Variants in RBFOX1 observed in about 807,000 individuals in gnomAD.
The protein encoded by RBFOX1 is RNA binding protein fox-1 homolog 1.
A neutral mutation model predicts 57.7 loss-of-function variants in RBFOX1; 8 were observed. The observed-to-expected ratio is 0.14, with a 90% confidence interval of 0.08 to 0.25. The LOEUF (loss-of-function observed/expected upper bound fraction) is 0.25. Ranked by LOEUF, RBFOX1 falls within the 10% of genes least tolerant of loss-of-function variation. The pLI is 1.00. For missense variants in RBFOX1, 611 were observed against 548.5 expected (o/e 1.11, Z -1.14); for synonymous variants, 326 against 222.4 (o/e 1.47, Z -4.15).
At chr16:5,504,581 T>C (rs2043312960) in intron 2 of RBFOX1, among the ~76,000 whole-genome samples, 1 of 152,146 alleles carries the variant, frequency 6.6e-6, no homozygotes, top group African/African-American at 2.4e-5. Context: ...CTGTTACTTA[T>C]CATCAAAGGG....
intron 3 of RBFOX1, among the ~76,000 whole-genome samples, chr16:6,684,144 C>A (rs1008080746): frequency 1.3e-5 from 2 of 152,118 alleles, no homozygotes; most frequent in Non-Finnish European, 2.9e-5. Flanking sequence ...TATCAGCATG[C>A]TTTTATGGTT....
At chr16:7,568,854 T>C (rs2092433413) in intron 5 of RBFOX1, among the ~76,000 whole-genome samples, 2 of 116,132 alleles carry the variant, frequency 1.7e-5, no homozygotes, top group African/African-American at 6.6e-5. Flanking sequence ...GCCACTGCAC[T>C]CCAGCCTGGG....
intron 2 of RBFOX1, among the ~76,000 whole-genome samples, chr16:5,499,371 C>T (rs907816834): frequency 3.3e-5 from 5 of 152,120 alleles, no homozygotes; most frequent in South Asian, 4.2e-4. Context: ...GTCCAGGTCT[C>T]GGATTCCTGT....
intron 14 of RBFOX1, among the ~76,000 whole-genome samples, chr16:7,680,866 A>T (rs2074547666): frequency 6.6e-6 from 1 of 152,052 alleles, no homozygotes; most frequent in Admixed American, 6.6e-5. Context: ...AATCCAAATA[A>T]AATGCCATAT....
At chr16:5,510,112 A>G (rs75408920) in intron 2 of RBFOX1, among the ~76,000 whole-genome samples, 2,341 of 152,342 alleles carry the variant, frequency 0.015, 32 homozygotes, top group Middle Eastern at 0.044. Context: ...GAATGGATGC[A>G]GGCTGAACCT....
rs368585442 is a variant in RBFOX1 at position 7,177,699 on chromosome 16, A to G, written c.27+125601A>G. On this transcript the variant is annotated intron_variant, in intron 4 of 15. Coordinates refer to ENST00000550418, the MANE Select transcript of RBFOX1 (RefSeq NM_018723.4). Reference sequence around the variant, plus strand: ...ACAAAATTCTAGGACAGGGGTCAGCAAATCTCTTCTGTGAGGAGCCAGGTC... The same window carrying G: ...ACAAAATTCTAGGACAGGGGTCAGCGAATCTCTTCTGTGAGGAGCCAGGTC... 1.9e-4 allele frequency among the ~76,000 whole-genome samples: 29 copies of G among 152,284 alleles called. No homozygotes were observed. The East Asian group carries it at 1.9e-3, about 10-fold the overall frequency.
intron 4 of RBFOX1, among the ~76,000 whole-genome samples, chr16:7,082,373 G>A (rs913607438): frequency 1.3e-5 from 2 of 151,972 alleles, no homozygotes; most frequent in African/African-American, 4.8e-5. Flanking sequence ...TTGAGGCCAG[G>A]AGTTTGAGAC....
Position 5,735,811 on chromosome 16 carries a change from G to A in RBFOX1, c.319-131492G>A, listed in dbSNP as rs141412546. Among the ~76,000 whole-genome samples, 653 of 152,244 alleles carry A rather than the reference G, an allele frequency of 4.3e-3. 7 individuals are homozygous for A. The highest frequency in any genetic ancestry group is 0.015 in the African/African-American group (626 of 41,528). On this transcript the variant is annotated intron_variant, in intron 3 of 19. Transcript: ENST00000641259. ...GAATCGCTTGAACTCGGGAGGCGGA[G>A]GTTGCAGTGAGCCAAGATGGCACCA...
intron 2 of RBFOX1, among the ~76,000 whole-genome samples, chr16:5,521,628 C>G (rs902691181): frequency 9.2e-5 from 14 of 151,384 alleles, no homozygotes; most frequent in Non-Finnish European, 2.1e-4. Context: ...AATTGGAGCT[C>G]TGCCATCATG....
intron 4 of RBFOX1, among the ~76,000 whole-genome samples, chr16:5,902,910 G>A (rs1388717458): frequency 2.6e-5 from 4 of 152,200 alleles, no homozygotes; most frequent in South Asian, 2.1e-4. Flanking sequence ...ACTTTGACGC[G>A]TATCGAAGTG....
intron 3 of RBFOX1, among the ~76,000 whole-genome samples, chr16:5,704,623 G>A (rs550264374): frequency 6.6e-6 from 1 of 152,314 alleles, no homozygotes; most frequent in East Asian, 1.9e-4. Flanking sequence ...TTGCTTTAAT[G>A]CACCGGATCT....
intron 3 of RBFOX1, among the ~76,000 whole-genome samples, chr16:5,835,786 C>T (rs2056437658): frequency 6.6e-6 from 1 of 152,192 alleles, no homozygotes; most frequent in Non-Finnish European, 1.5e-5. Flanking sequence ...ATTACTTATT[C>T]ATCTTCTTCT....
At chr16:7,254,952 C>A (rs555871987) in intron 4 of RBFOX1, among the ~76,000 whole-genome samples, 1 of 152,098 alleles carries the variant, frequency 6.6e-6, no homozygotes, top group African/African-American at 2.4e-5. Context: ...ATTAATGGCT[C>A]AACCGTTAAT....
At chr16:6,607,254 T>C (rs1601353226) in intron 2 of RBFOX1, among the ~76,000 whole-genome samples, 1 of 152,168 alleles carries the variant, frequency 6.6e-6, no homozygotes, top group Non-Finnish European at 1.5e-5. Context: ...CTTGGAACAA[T>C]TCATTGTGGT....
chr16:7,569,566 G>T (rs139403522), intron 5 of RBFOX1, among the ~76,000 whole-genome samples: 204 of 152,288 alleles, frequency 1.3e-3, no homozygotes, highest in African/African-American at 4.6e-3. Context: ...TTATGGTCAT[G>T]TGATTAGCAA....
chr16:7,038,401 G>A (rs2045168035), intron 3 of RBFOX1, among the ~76,000 whole-genome samples: 1 of 152,122 alleles, frequency 6.6e-6, no homozygotes, highest in African/African-American at 2.4e-5. Flanking sequence ...TGTAATAACT[G>A]CAATTGTTTT....
At chr16:5,859,649 C>G (rs2057160335) in intron 3 of RBFOX1, among the ~76,000 whole-genome samples, 1 of 152,254 alleles carries the variant, frequency 6.6e-6, no homozygotes, top group East Asian at 1.9e-4. Context: ...GGATAAAACT[C>G]TGCCTACCAT....
intron 3 of RBFOX1, among the ~76,000 whole-genome samples, chr16:5,849,922 T>A (rs1368410376): frequency 6.6e-6 from 1 of 152,226 alleles, no homozygotes; most frequent in Non-Finnish European, 1.5e-5. Flanking sequence ...TGCTCCTAAC[T>A]CAAAGGGAAT....
intron 3 of RBFOX1, among the ~76,000 whole-genome samples, chr16:6,876,056 C>A (rs78878691): frequency 1.3e-5 from 2 of 151,686 alleles, no homozygotes; most frequent in South Asian, 2.1e-4. Flanking sequence ...GTCTATAGTC[C>A]TAGCATCTCG....
Sources: allele counts gnomAD v4.1 joint callset (sites outside exome capture counted in the v4.1 genomes callset), GRCh38; gene constraint gnomAD v4.1.1; transcripts MANE v1.5; gene names NCBI Gene and HGNC (gene_info 2026-07-23, HGNC 2026-07-21).